SBNO1: variants seen among roughly 807,000 people sequenced by gnomAD.
The protein encoded by SBNO1 is strawberry notch homolog 1, also known as protein strawberry notch homolog 1.
In SBNO1, 23 loss-of-function variants were observed where a neutral mutation model predicts 173.6. The observed-to-expected ratio is 0.13, with a 90% CI of 0.10 to 0.19. The LOEUF (loss-of-function observed/expected upper bound fraction) is 0.19, where lower values mean the gene tolerates loss of function less well. Ranked by LOEUF, SBNO1 falls within the 10% of genes least tolerant of loss-of-function variation. The pLI, the probability that SBNO1 is intolerant of heterozygous loss-of-function variation, is 1.00. For synonymous variants in SBNO1, 632 were observed against 571.5 expected (o/e 1.11, Z -1.51); for missense variants, 1,238 against 1,671.2 (o/e 0.74, Z 4.52).
At chr12:123,339,933 C>G (rs937535790) in intron 5 of SBNO1, among the ~76,000 whole-genome samples, 2 of 152,128 alleles carry the variant, frequency 1.3e-5, no homozygotes, top group African/African-American at 4.8e-5. Context: ...CCCATTAATC[C>G]TTTAGCTCCC....
intron 1 of SBNO1, among the ~76,000 whole-genome samples, chr12:123,354,827 CAA>C (rs1460583105): frequency 2.0e-5 from 3 of 151,876 alleles, no homozygotes; most frequent in African/African-American, 7.3e-5. Context: ...CTGACAAACC[CAA>C]GTTACTAACC....
At chr12:123,327,313 GT>G in intron 13 of SBNO1, 112 bp downstream of exon 13, 1 of 905,798 alleles carries the variant, frequency 1.1e-6, no homozygotes, top group Non-Finnish European at 1.7e-6. Context: ...TTCATCTGTT[GT>G]TTTATAGTAG....
At chr12:123,363,902 C>T in intron 1 of SBNO1, 1 of 985,492 alleles carries the variant, frequency 1.0e-6, no homozygotes, top group Non-Finnish European at 1.2e-6. Flanking sequence ...TTAGGAACAT[C>T]CAAATCTCCT....
chr12:123,314,683 G>T (rs1869059745), intron 23 of SBNO1, among the ~76,000 whole-genome samples: 1 of 151,814 alleles, frequency 6.6e-6, no homozygotes, highest in South Asian at 2.1e-4. Flanking sequence ...TATTGCCCAG[G>T]CTGGAGTGCA....
intron 1 of SBNO1, among the ~76,000 whole-genome samples, chr12:123,362,511 A>AT (rs1875441430): frequency 6.7e-6 from 1 of 150,214 alleles, no homozygotes; most frequent in African/African-American, 2.5e-5. Context: ...CACGGCTGTA[A>AT]TTCCAGCACT....
In SBNO1 at chr12:123,336,501, A is replaced by C. The variant is rs1871857166; in HGVS notation, c.652-10T>G. 5.7e-6 allele frequency: 9 copies of C among 1,582,180 alleles called. No individual in the cohort carries two copies. Among genetic ancestry groups the C allele is most frequent in the Middle Eastern group, 3.3e-4 (2 of 5,996 alleles). On this transcript the variant is annotated splice_polypyrimidine_tract_variant and intron_variant, in intron 5 of 31. Coordinates refer to ENST00000602398, the MANE Select transcript of SBNO1 (RefSeq NM_001167856.3). ...TTACAACAGGAACCTTCTGCAACAC[A>C]GAAAGAGCACAATCAATCCCAAATC...
chr12:123,340,959 A>G (rs1351801512), intron 5 of SBNO1, 29 bp downstream of exon 5: 14 of 1,351,550 alleles, frequency 1.0e-5, no homozygotes, highest in Non-Finnish European at 1.2e-5. Flanking sequence ...TACTACACAA[A>G]AATAAAGACA....
rs139359906 is a variant in SBNO1, at chr12:123,338,147, T to C, written c.652-1656A>G. Among the ~76,000 whole-genome samples the C allele has an allele frequency of 7.9e-5, 12 of 152,320 alleles. No homozygotes were observed. The East Asian group carries it at 2.3e-3, about 29-fold the overall frequency. On this transcript the variant is annotated intron_variant, in intron 5 of 31. Coordinates refer to ENST00000602398, the MANE Select transcript of SBNO1 (RefSeq NM_001167856.3). The stretch of plus-strand genomic sequence containing the variant: ...GGCAAATCTTCCTAGATGGGGAACG[T>C]GGGCCTGGGGTTGTCAGGTACTCCC...
Position 123,348,098 on chromosome 12 carries a change from C to G in SBNO1, c.168G>C (p.Glu56Asp). The change falls in exon 3 of 32, where the codon GAG becomes GAC. Residue 56 changes from glutamate to aspartate, a missense_variant. This residue lies in a region of SBNO1 where 287 missense variants were observed against 274.1 expected (regional missense o/e 1.05). Transcript: ENST00000602398. Reference protein sequence around the residue: ...VPLSALELGLETEAAVPVKQE... With the variant: ...VPLSALELGLDTEAAVPVKQE... Reference sequence around the variant, plus strand: ...GTTTAACAGGAACTGCTGCTTCGGTCTCCAAACCTAGTTCTAATGCACTAA... The same window carrying G: ...GTTTAACAGGAACTGCTGCTTCGGTGTCCAAACCTAGTTCTAATGCACTAA... The G allele has an allele frequency of 6.2e-7, 1 of 1,611,770 alleles. No individual in the cohort carries two copies. Among genetic ancestry groups the G allele is most frequent in the Non-Finnish European group, 8.5e-7 (1 of 1,178,246 alleles).
At chr12:123,351,540 G>C (rs139717021) in intron 1 of SBNO1, among the ~76,000 whole-genome samples, 2,164 of 151,764 alleles carry the variant, frequency 0.014, 26 homozygotes, top group Middle Eastern at 0.034. Flanking sequence ...CTTAAGCCCA[G>C]GAGTTGGAGA....
At chr12:123,344,771 T>C (rs1052431776) in intron 4 of SBNO1, among the ~76,000 whole-genome samples, 9 of 151,908 alleles carry the variant, frequency 5.9e-5, no homozygotes, top group African/African-American at 1.7e-4. Context: ...ATCACTTGAA[T>C]CCAGGAGACG....
At chr12:123,347,959 A>T (rs1293031908) in intron 3 of SBNO1, 70 bp downstream of exon 3, 8 of 929,236 alleles carry the variant, frequency 8.6e-6, no homozygotes. Context: ...GAATCACCAC[A>T]CCCGGCCATG....
chr12:123,300,288 C>T (rs757792773), intron 30 of SBNO1, among the ~76,000 whole-genome samples: 18 of 152,158 alleles, frequency 1.2e-4, no homozygotes, highest in South Asian at 1.0e-3. Context: ...CTCAAACTCC[C>T]GGCCTCAAGC....
At position 123,315,680 on chromosome 12, in the gene SBNO1, T is replaced by C. The variant is rs765812651; in HGVS notation, c.2936-20A>G. Reference sequence around the variant, plus strand: ...TACGTCCTGCAACGAAATTTTGTTTTAAAGATCATTGATTGTGTTCGCTGG... The same window carrying C: ...TACGTCCTGCAACGAAATTTTGTTTCAAAGATCATTGATTGTGTTCGCTGG... On this transcript the variant is annotated intron_variant, in intron 21 of 31. Transcript: ENST00000602398. The C allele has an allele frequency of 7.2e-7, 1 of 1,383,300 alleles. No homozygotes were observed. Among genetic ancestry groups the C allele is most frequent in the South Asian group, 1.2e-5 (1 of 86,290 alleles). The allele number at this position is 1,383,300 out of a possible 1,614,324, so 85.7% of individuals were successfully genotyped here. A position where few individuals can be genotyped will look rare whatever the true frequency, so the allele number is the denominator to read the frequency against.
intron 9 of SBNO1, among the ~76,000 whole-genome samples, chr12:123,329,799 C>A (rs1376808333): frequency 6.6e-6 from 1 of 152,162 alleles, no homozygotes; most frequent in Non-Finnish European, 1.5e-5. Flanking sequence ...ACTAGGGAGG[C>A]CCTTCCAGGA....
chr12:123,315,176 C>T (rs565962687), intron 23 of SBNO1, among the ~76,000 whole-genome samples, 197 bp downstream of exon 23: 1 of 152,180 alleles, frequency 6.6e-6, no homozygotes, highest in Admixed American at 6.5e-5. Context: ...GGAATAAAGA[C>T]AACTACATTG....
chr12:123,319,856 C>A, intron 20 of SBNO1, 44 bp downstream of exon 20: 1 of 1,565,768 alleles, frequency 6.4e-7, no homozygotes, highest in Non-Finnish European at 8.8e-7. Flanking sequence ...TCTAAATATA[C>A]AGGCATTGTT....
chr12:123,345,341 T>A lies in SBNO1; in HGVS notation c.467A>T (p.Asp156Val), dbSNP rs1433527761. ...APSKDQVQLK[D>V]LLKNNSLNEL... ...ATTAAGACTATTATTTTTCAGTAGA[T>A]CTTTAAGCTGAACTTGGTCTTTTGA... Residue 156 changes from aspartate (D) to valine (V), a missense_variant, in exon 4 of 32, where the codon GAT becomes GTT. Coordinates refer to ENST00000602398, the MANE Select transcript of SBNO1 (RefSeq NM_001167856.3). The A allele has an allele frequency of 2.5e-6, 4 of 1,614,082 alleles. No individual in the cohort carries two copies. Among genetic ancestry groups the A allele is most frequent in the Non-Finnish European group, 3.4e-6 (4 of 1,180,014 alleles).
In SBNO1 at chr12:123,364,072, GC is replaced by G. The variant is rs1389906811; in HGVS notation, c.-1+628del. The G allele has an allele frequency of 3.0e-6, 3 of 985,386 alleles. No homozygotes were observed. The Admixed American group carries it at 1.8e-4, about 61-fold the overall frequency. The allele number at this position is 985,386 out of a possible 1,614,324, so 61.0% of individuals were successfully genotyped here. On this transcript the variant is annotated intron_variant, in intron 1 of 31. Transcript: ENST00000602398. ...TTCTTAGGGTCTGGGAGGTGAGCTC[GC>G]CCGCCGAGGCAGAACTAAGCGAGTC...
Sources: gnomAD v4.1 joint callset for allele counts (sites outside exome capture counted in the v4.1 genomes callset) on GRCh38, gnomAD v4.1.1 for gene constraint, gnomAD v4.1.1 regional missense constraint, MANE v1.5 for transcripts, NCBI Gene and HGNC (gene_info 2026-07-23, HGNC 2026-07-21) for gene names.